The following CASS4 variants were observed in gnomAD, a reference collection of about 807,000 sequenced individuals.
CASS4 encodes cas scaffolding protein family member 4.
A neutral mutation model predicts 54.2 loss-of-function variants in CASS4; 22 were observed. The observed-to-expected ratio is 0.41, with a 90% confidence interval of 0.29 to 0.58. CASS4 has a LOEUF of 0.58. CASS4 is among the 20% of genes least tolerant of loss of function. CASS4 has a pLI of 0.36. For missense variants in CASS4, 854 were observed against 986.7 expected, an observed-to-expected ratio of 0.87 and a Z score of 1.80; for synonymous variants, 409 against 391.5, an observed-to-expected ratio of 1.04 and a Z score of -0.53.
At chr20:56,420,131 C>A (rs1334829183) in intron 1 of CASS4, among the ~76,000 whole-genome samples, 1 of 152,194 alleles carries the variant, frequency 6.6e-6, no homozygotes, top group East Asian at 1.9e-4. Flanking sequence ...GGCCACCTAC[C>A]TGGCCACTCA....
chr20:56,447,928 G>A (rs1980802223), intron 3 of CASS4, among the ~76,000 whole-genome samples: 1 of 152,160 alleles, frequency 6.6e-6, no homozygotes, highest in Admixed American at 6.5e-5. Context: ...AGATCACGAG[G>A]TCAGGAGGTG....
intron 1 of CASS4, among the ~76,000 whole-genome samples, chr20:56,429,599 G>A (rs758190149): frequency 4.6e-5 from 7 of 151,740 alleles, no homozygotes; most frequent in Non-Finnish European, 7.4e-5. Flanking sequence ...CTTTCCATGC[G>A]CCCCCAACAC....
chr20:56,418,006 C>T (rs1979227290), intron 1 of CASS4, among the ~76,000 whole-genome samples: 1 of 152,184 alleles, frequency 6.6e-6, no homozygotes, highest in Non-Finnish European at 1.5e-5. Flanking sequence ...ACACCCAACT[C>T]GAAAACACAG....
At position 56,437,142 on chromosome 20, in the gene CASS4, C is replaced by A; in HGVS notation, c.37-22C>A. On this transcript the variant is annotated intron_variant, in intron 1 of 5. Transcript: ENST00000679887. This position sits in a 1 kb window ranked among gnomAD's most constrained non-coding sequence, Gnocchi z 4.7. ...GGCCACGGTGCTAACTGCAAATTCT[C>A]TTCTCCCCTCTCCACCCACAGGCAC... 6.6e-7 allele frequency: 1 copy of A among 1,521,074 alleles called. No individual in the cohort carries two copies. Among genetic ancestry groups the A allele is most frequent in the South Asian group, 1.3e-5 (1 of 76,604 alleles). The allele number at this position is 1,521,074 out of a possible 1,614,324, so 94.2% of individuals were successfully genotyped here.
In CASS4 at chr20:56,414,416, G is replaced by A. The variant is rs1408987716; in HGVS notation, c.36+1922G>A. 6.6e-6 allele frequency among the ~76,000 whole-genome samples: 1 copy of A among 151,590 alleles called. No homozygotes were observed. Among genetic ancestry groups the A allele is most frequent in the Non-Finnish European group, 1.5e-5 (1 of 67,970 alleles). On this transcript the variant is annotated intron_variant, in intron 1 of 5. Transcript: ENST00000679887. This position sits in a 1 kb window ranked among gnomAD's most constrained non-coding sequence, Gnocchi z 4.1. ...ATTCTGCCTAAATAATTTATGTAGC[G>A]CTTTACAATTGGGTGGGGTTTTGTT... is the stretch of plus-strand genomic sequence containing the variant.
chr20:56,419,457 C>T (rs1979310043), intron 1 of CASS4, among the ~76,000 whole-genome samples: 2 of 152,188 alleles, frequency 1.3e-5, no homozygotes, highest in Middle Eastern at 3.4e-3. Flanking sequence ...ACTTCCCCCA[C>T]ACCACCCCCG....
chr20:56,418,749 A>G (rs577380036), intron 1 of CASS4, among the ~76,000 whole-genome samples: 2 of 152,274 alleles, frequency 1.3e-5, no homozygotes, highest in East Asian at 3.9e-4. Flanking sequence ...CAAGGAGTAG[A>G]TAGCTTCTAT....
chr20:56,432,949 G>A (rs765078815), intron 1 of CASS4, among the ~76,000 whole-genome samples: 2 of 152,182 alleles, frequency 1.3e-5, no homozygotes, highest in Non-Finnish European at 2.9e-5. Flanking sequence ...AAATAGGAGC[G>A]CTCATCCTGG....
At chr20:56,456,816 C>G (rs1337340775) in intron 5 of CASS4, among the ~76,000 whole-genome samples, 1 of 152,124 alleles carries the variant, frequency 6.6e-6, no homozygotes, top group African/African-American at 2.4e-5. Flanking sequence ...GTAGCTGGGA[C>G]TACAGGCCCG....
Position 56,452,367 on chromosome 20 carries a change from AT to A in CASS4, c.1193del (p.Leu398TyrfsTer47), listed in dbSNP as rs772583331. The stretch of plus-strand genomic sequence containing the variant: ...CTTCCCCATCTCCTGAACCGGACAG[AT>A]TATCAGGTTCCAGTTCTGACAGCAG... Reference protein sequence around the residue: ...TTSPSPEPDRLSGSSSDSRAS... With the variant: ...TTSPSPEPDRXSGSSSDSRAS... On this transcript the variant is annotated frameshift_variant, in exon 5 of 6. Transcript: ENST00000679887. LOFTEE classifies it high-confidence loss of function. 1 of 1,613,978 alleles carries A rather than the reference AT, an allele frequency of 6.2e-7. No individual in the cohort carries two copies. The highest frequency in any genetic ancestry group is 1.7e-5 in the Admixed American group (1 of 60,026).
chr20:56,458,139 A>AATATTGTAT (rs1320711055), intron 5 of CASS4, among the ~76,000 whole-genome samples: 3 of 151,728 alleles, frequency 2.0e-5, no homozygotes, highest in Middle Eastern at 3.5e-3. Context: ...ATTACAATAT[A>AATATTGTAT]ATATTGTATA....
chr20:56,439,896 C>T (rs1980378595), intron 2 of CASS4, among the ~76,000 whole-genome samples: 1 of 152,176 alleles, frequency 6.6e-6, no homozygotes, highest in African/African-American at 2.4e-5. Context: ...CCCACCCGGC[C>T]ACAGCTCTGG....
At position 56,458,385 on chromosome 20, in the gene CASS4, G is replaced by A. The variant is rs771493456; in HGVS notation, c.1999G>A (p.Glu667Lys). Residue 667 changes from glutamate (E) to lysine (K), a missense_variant, in exon 6 of 6, where the codon GAG (glutamate) becomes AAG (lysine). By Grantham distance (56) the Glu-to-Lys change is moderately conservative. Coordinates refer to ENST00000679887, the MANE Select transcript of CASS4 (RefSeq NM_020356.4). Reference sequence around the variant, plus strand: ...TCAGCCTTCGAGTCAACAGACTCCTGAGAGGAAACCCCGCTTATCTGAACA... The same window carrying A: ...TCAGCCTTCGAGTCAACAGACTCCTAAGAGGAAACCCCGCTTATCTGAACA... ...IPQPSSQQTP[E>K]RKPRLSEHCR... 2.5e-6 allele frequency: 4 copies of A among 1,613,982 alleles called. No homozygotes were observed. The highest frequency in any genetic ancestry group is 3.4e-6 in the Non-Finnish European group (4 of 1,179,954).
intron 1 of CASS4, among the ~76,000 whole-genome samples, chr20:56,434,373 C>A (rs896840000): frequency 6.6e-6 from 1 of 152,066 alleles, no homozygotes; most frequent in African/African-American, 2.4e-5. Flanking sequence ...AATGGAAAAC[C>A]AAGCCACTGT....
At chr20:56,441,602 TC>T (rs1437999539) in intron 2 of CASS4, among the ~76,000 whole-genome samples, 2 of 151,922 alleles carry the variant, frequency 1.3e-5, no homozygotes, top group African/African-American at 4.8e-5. Context: ...GAAAACTCCG[TC>T]TCAAAAAAAT....
rs1978935644 is a variant in CASS4, at chr20:56,412,593, T to G, written c.36+99T>G. On this transcript the variant is annotated intron_variant, in intron 1 of 5. Transcript: ENST00000679887. This position sits in a 1 kb window ranked among gnomAD's most constrained non-coding sequence, Gnocchi z 4.2. ...TTAGTTGTGACTTTCTAATAAAGGT[T>G]GAATACCAGTGACGTGTGAGTTGGA... is the stretch of plus-strand genomic sequence containing the variant. 8.3e-7 allele frequency: 1 copy of G among 1,209,886 alleles called. No individual in the cohort carries two copies. Among genetic ancestry groups the G allele is most frequent in the African/African-American group, 1.5e-5 (1 of 66,200 alleles). 74.9% of individuals were successfully genotyped at this position (1,209,886 alleles called of 1,614,324 possible).
At chr20:56,451,758 A>T in intron 4 of CASS4, 61 bp from the exon 5 acceptor site, 1 of 1,249,450 alleles carries the variant, frequency 8.0e-7, no homozygotes, top group Non-Finnish European at 1.1e-6. Flanking sequence ...GATTTAAACA[A>T]CGCACTCGCG....
Position 56,452,518 on chromosome 20 carries a change from CA to C in CASS4, c.1343del (p.Gln448ArgfsTer11). On this transcript the variant is annotated frameshift_variant, in exon 5 of 6. Coordinates refer to ENST00000679887, the MANE Select transcript of CASS4 (RefSeq NM_020356.4). LOFTEE classifies it high-confidence loss of function. ...GGCCAAGGAGACAGTGATGGCTCTG[CA>C]GCACAAGGTGGTCAGCTCTGTCGCT... ...DVAKETVMAL[Q>X]HKVVSSVAGL... 1 of 1,613,934 alleles carries C rather than the reference CA, an allele frequency of 6.2e-7. No individual in the cohort carries two copies. Among genetic ancestry groups the C allele is most frequent in the Non-Finnish European group, 8.5e-7 (1 of 1,179,880 alleles).
intron 2 of CASS4, among the ~76,000 whole-genome samples, chr20:56,439,946 A>T (rs11907243): frequency 2.0e-5 from 3 of 152,178 alleles, no homozygotes; most frequent in African/African-American, 7.2e-5. Context: ...GGAAAGGCCA[A>T]GCTCCCTGAG....
Sources: allele counts gnomAD v4.1 joint callset (sites outside exome capture counted in the v4.1 genomes callset), GRCh38; gene constraint gnomAD v4.1.1; non-coding constraint Gnocchi (gnomAD v3.1); transcripts MANE v1.5; gene names NCBI Gene and HGNC (gene_info 2026-07-23, HGNC 2026-07-21).